Variants in LGI1 observed in about 807,000 individuals in gnomAD.
LGI1 encodes the protein leucine-rich glioma-inactivated protein 1.
Under a neutral mutation model 57.7 loss-of-function variants are expected in LGI1, and 11 were observed. That is an observed-to-expected ratio of 0.19 (90% confidence interval 0.12 to 0.32). The LOEUF (loss-of-function observed/expected upper bound fraction) is 0.32. LGI1 is among the 10% of genes least tolerant of loss of function. The pLI, the probability that LGI1 is intolerant of heterozygous loss-of-function variation, is 1.00. For missense variants in LGI1, 422 were observed against 661.9 expected, an observed-to-expected ratio of 0.64 and a Z score of 3.98; for synonymous variants, 222 against 241.9, an observed-to-expected ratio of 0.92 and a Z score of 0.76.
intron 5 of LGI1, 149 bp from the exon 6 acceptor site, chr10:93,792,594 A>G: frequency 1.3e-6 from 1 of 773,564 alleles, no homozygotes; most frequent in Middle Eastern, 3.1e-4. Flanking sequence ...CCCAAAGTGA[A>G]TGAGTGGTCA....
chr10:93,777,615 C>T lies in LGI1; in HGVS notation c.429C>T (p.His143=), dbSNP rs752524884. 1 of 1,609,716 alleles carries T rather than the reference C, an allele frequency of 6.2e-7. No homozygotes were observed. Among genetic ancestry groups the T allele is most frequent in the Admixed American group, 1.7e-5 (1 of 60,018 alleles). ...HTFRGLKSLI[H]LSLANNNLQT... ...TCCGGGGACTAAAGTCATTAATTCA[C>T]TTGTAAGTATGAATGTTGCTATTAC... The change falls in exon 4 of 8, where the codon CAC becomes CAT. Residue 143 remains histidine, a splice_region_variant and synonymous_variant. Transcript: ENST00000371418.
chr10:93,772,327 A>C (rs528063556), intron 2 of LGI1, among the ~76,000 whole-genome samples: 1 of 152,316 alleles, frequency 6.6e-6, no homozygotes, highest in Non-Finnish European at 1.5e-5. Flanking sequence ...CTAGAGATTT[A>C]AAAACCTTCT....
At chr10:93,781,354 G>A (rs377264709) in intron 4 of LGI1, among the ~76,000 whole-genome samples, 4 of 146,726 alleles carry the variant, frequency 2.7e-5, no homozygotes, top group Non-Finnish European at 4.5e-5. Context: ...GCAAGACTCC[G>A]TCTCTAAGAA....
intron 2 of LGI1, chr10:93,767,008 G>A (rs750528833): frequency 6.6e-6 from 1 of 152,132 alleles, no homozygotes; most frequent in Non-Finnish European, 1.5e-5. Context: ...GAATCATCAT[G>A]CTTCACTTTG....
At chr10:93,779,551 A>C (rs1167644615) in intron 4 of LGI1, among the ~76,000 whole-genome samples, 1 of 151,152 alleles carries the variant, frequency 6.6e-6, no homozygotes, top group Non-Finnish European at 1.5e-5. Flanking sequence ...AAAGGAGGGA[A>C]GGGGAAGAGG....
At chr10:93,796,768 C>T (rs904411902) in intron 7 of LGI1, among the ~76,000 whole-genome samples, 200 bp from the exon 8 acceptor site, 8 of 152,168 alleles carry the variant, frequency 5.3e-5, no homozygotes, top group African/African-American at 1.9e-4. Context: ...TTGTTGGCAA[C>T]AAGGCCCCAC....
intron 4 of LGI1, among the ~76,000 whole-genome samples, chr10:93,787,697 C>T (rs1456521712): frequency 6.6e-6 from 1 of 151,966 alleles, no homozygotes; most frequent in Non-Finnish European, 1.5e-5. Context: ...AGCTTGAGCC[C>T]AAGAGTTCAA....
chr10:93,764,105 G>A (rs1055971290), intron 2 of LGI1: 1 of 152,166 alleles, frequency 6.6e-6, no homozygotes, highest in Non-Finnish European at 1.5e-5. Flanking sequence ...TGGGTAGCAG[G>A]TACAATGTTG....
intron 7 of LGI1, chr10:93,794,646 TA>T: frequency 6.6e-6 from 1 of 152,266 alleles, no homozygotes; most frequent in South Asian, 2.1e-4. Flanking sequence ...ATTACAAGAG[TA>T]AACCACCTTG....
intron 2 of LGI1, among the ~76,000 whole-genome samples, chr10:93,775,588 T>C (rs2059787012): frequency 6.6e-6 from 1 of 152,212 alleles, no homozygotes; most frequent in Admixed American, 6.5e-5. Flanking sequence ...CAGTGTCCAC[T>C]AGAGGACAGG....
At position 93,792,749 on chromosome 10, in the gene LGI1, G is replaced by A. The variant is rs779203883; in HGVS notation, c.510G>A (p.Leu170=). 21 of 1,613,972 alleles carry A rather than the reference G, an allele frequency of 1.3e-5. No individual in the cohort carries two copies. The highest frequency in any genetic ancestry group is 1.4e-5 in the Non-Finnish European group (17 of 1,179,972). ...GCTGAAGTTTGTCTTTCAGGGACCT[G>A]AGGGGTAATTCATTTAATTGTGACT... ...KGLDSLTNVD[L]RGNSFNCDCK... is the part of the protein sequence containing the mutation. Residue 170 remains leucine (L), a synonymous_variant, in exon 6 of 8, where the codon CTG becomes CTA. Coordinates refer to ENST00000371418, the MANE Select transcript of LGI1 (RefSeq NM_005097.4).
chr10:93,777,645 T>G, intron 4 of LGI1, 28 bp downstream of exon 4: 1 of 1,554,394 alleles, frequency 6.4e-7, no homozygotes, highest in South Asian at 1.1e-5. Flanking sequence ...TATTACTTTT[T>G]AAGCTTGCTA....
At chr10:93,761,363 T>C (rs1489561304) in intron 2 of LGI1, among the ~76,000 whole-genome samples, 4 of 152,192 alleles carry the variant, frequency 2.6e-5, no homozygotes, top group Non-Finnish European at 5.9e-5. Flanking sequence ...CATCATACAC[T>C]GTGAAGAGAT....
rs1342021511 is a variant in LGI1, at chr10:93,759,016, AC to A, written c.287+186del. 1.8e-5 allele frequency: 11 copies of A among 610,200 alleles called. No individual in the cohort carries two copies. The Admixed American group carries it at 2.2e-4, about 12-fold the overall frequency. The allele number at this position is 610,200 out of a possible 1,614,324, so 37.8% of individuals were successfully genotyped here. A position where few individuals can be genotyped will look rare whatever the true frequency, so the allele number is the denominator to read the frequency against. On this transcript the variant is annotated intron_variant, in intron 2 of 7. Coordinates refer to ENST00000371418, the MANE Select transcript of LGI1 (RefSeq NM_005097.4). ...ACACCAACAGTGCAGGTTGATTCTT[AC>A]AATGGTAAATCTGTTAACCTGTCAT...
At chr10:93,780,981 G>T (rs540020185) in intron 4 of LGI1, among the ~76,000 whole-genome samples, 1 of 152,078 alleles carries the variant, frequency 6.6e-6, no homozygotes, top group African/African-American at 2.4e-5. Flanking sequence ...TTTAGTTCAC[G>T]CCTAAGAAAC....
rs755068491 is a variant in LGI1 at position 93,793,349 on chromosome 10, A to G, written c.837A>G (p.Thr279=). ...EKTFRNYDNI[T]GTSTVVCKPI... ...CCTTCCGGAATTATGACAACATTACAGGTATGAAAAGCCTAATGATATTTT... is the reference window on the plus strand; with the variant it reads ...CCTTCCGGAATTATGACAACATTACGGGTATGAAAAGCCTAATGATATTTT... The change falls in exon 7 of 8, where the codon ACA becomes ACG. Residue 279 remains threonine, a splice_region_variant and synonymous_variant. Coordinates refer to ENST00000371418, the MANE Select transcript of LGI1 (RefSeq NM_005097.4). 23 of 1,613,076 alleles carry G rather than the reference A, an allele frequency of 1.4e-5. 1 individual carries two copies. Among genetic ancestry groups the G allele is most frequent in the Non-Finnish European group, 2.0e-5 (23 of 1,179,194 alleles).
chr10:93,776,770 T>C (rs1446284345), intron 2 of LGI1: 1 of 153,298 alleles, frequency 6.5e-6, no homozygotes, highest in Non-Finnish European at 1.5e-5. Context: ...AAATTGCAAA[T>C]ATATTTGTCC....
chr10:93,778,350 CACACACACACA>C (rs1363388159), intron 4 of LGI1, among the ~76,000 whole-genome samples: 3 of 1,028 alleles, frequency 2.9e-3, no homozygotes, highest in African/African-American at 0.011. Context: ...CACATTCACA[CACACACACACA>C]CACACACACA....
chr10:93,764,904 TC>T (rs959042151), intron 2 of LGI1: 4 of 152,238 alleles, frequency 2.6e-5, no homozygotes, highest in Non-Finnish European at 5.9e-5. Flanking sequence ...ATTTTGTGGT[TC>T]TACACACAGT....
Sources: gnomAD v4.1 joint callset for allele counts (sites outside exome capture counted in the v4.1 genomes callset) on GRCh38, gnomAD v4.1.1 for gene constraint, MANE v1.5 for transcripts, NCBI Gene and HGNC (gene_info 2026-07-23, HGNC 2026-07-21) for gene names.